NUMB: variants seen among roughly 807,000 people sequenced by gnomAD.
NUMB encodes NUMB endocytic adaptor protein, also known as protein numb homolog.
A neutral mutation model predicts 59.7 loss-of-function variants in NUMB; 29 were observed. The observed-to-expected ratio is 0.49, with a 90% confidence interval of 0.36 to 0.66. The LOEUF (loss-of-function observed/expected upper bound fraction) is 0.66, where lower values mean the gene tolerates loss of function less well. Among genes scored for constraint, NUMB ranks in the 30% least tolerant of loss-of-function variants. The probability of loss-of-function intolerance (pLI) is 0.00; values close to 1 mark genes in which losing one functional copy is unlikely to be tolerated. For missense variants in NUMB, 723 were observed against 822.0 expected, an observed-to-expected ratio of 0.88 and a Z score of 1.47; for synonymous variants, 288 against 288.2, an observed-to-expected ratio of 1.00 and a Z score of 0.01.
chr14:73,418,649 T>G (rs1897228536), intron 1 of NUMB, among the ~76,000 whole-genome samples: 1 of 151,898 alleles, frequency 6.6e-6, no homozygotes, highest in Admixed American at 6.6e-5. Flanking sequence ...CACATGCCTG[T>G]AATCCCAGCT....
At chr14:73,280,970 G>A (rs1888594623) in intron 11 of NUMB, among the ~76,000 whole-genome samples, 2 of 152,066 alleles carry the variant, frequency 1.3e-5, no homozygotes, top group Admixed American at 1.3e-4. Context: ...GATTACAGAT[G>A]TGAGCCACCG....
Position 73,353,072 on chromosome 14 carries a change from G to GTTGTTTTTTTT in NUMB, c.126+2553_126+2554insAAAAAAAACAA, listed in dbSNP as rs1893522798. Among the ~76,000 whole-genome samples the GTTGTTTTTTTT allele has an allele frequency of 1.5e-4, 9 of 58,514 alleles. 1 individual carries two copies. Among genetic ancestry groups the GTTGTTTTTTTT allele is most frequent in the Non-Finnish European group, 6.6e-5 (2 of 30,364 alleles). The allele number at this position is 58,514 out of a possible 152,430, so 38.4% of individuals were successfully genotyped here. A position where few individuals can be genotyped will look rare whatever the true frequency, so the allele number is the denominator to read the frequency against. ...CTTAATGGATGCCACAGTTTTTCTTGTTTTTTTTTTTTTTTTTTTTTTTTT... is the reference window on the plus strand; with the variant it reads ...CTTAATGGATGCCACAGTTTTTCTTGTTGTTTTTTTTTTTTTTTTTTTTTTTTTTTTTTTTT... On this transcript the variant is annotated intron_variant, in intron 4 of 12. Coordinates refer to ENST00000555238, the MANE Select transcript of NUMB (RefSeq NM_001005743.2).
At chr14:73,411,038 T>C (rs1896871965) in intron 1 of NUMB, among the ~76,000 whole-genome samples, 3 of 152,168 alleles carry the variant, frequency 2.0e-5, no homozygotes, top group Non-Finnish European at 4.4e-5. Context: ...ATGGATTTTG[T>C]TTTGTATTTT....
intron 6 of NUMB, among the ~76,000 whole-genome samples, chr14:73,313,000 T>TA (rs951904840): frequency 6.6e-6 from 1 of 151,876 alleles, no homozygotes. Context: ...CTTTTTTTTT[T>TA]TTTTGAGACA....
rs1357277403 is a variant in NUMB, at chr14:73,335,074, AT to A, written c.127-11871del. On this transcript the variant is annotated intron_variant, in intron 4 of 12. Transcript: ENST00000555238. ...GTATTATATACCTGTGCTTTCTTTC[AT>A]TTTCCATATTAAGGCTCATTTCTAC... Among the ~76,000 whole-genome samples the A allele has an allele frequency of 7.3e-5, 11 of 151,438 alleles. No homozygotes were observed. In the East Asian group the frequency reaches 1.9e-3, roughly 27 times the overall value.
intron 1 of NUMB, among the ~76,000 whole-genome samples, chr14:73,423,393 C>T (rs149625270): frequency 0.013 from 2,013 of 151,224 alleles, 16 homozygotes; most frequent in Middle Eastern, 0.028. Context: ...AATTCCAGCA[C>T]TTTGGGAGAC....
chr14:73,397,657 T>A (rs1896200546), intron 2 of NUMB, among the ~76,000 whole-genome samples: 1 of 152,380 alleles, frequency 6.6e-6, no homozygotes, highest in East Asian at 1.9e-4. Flanking sequence ...CTGTATTTTC[T>A]TAATTGTTTT....
intron 2 of NUMB, among the ~76,000 whole-genome samples, chr14:73,386,867 ATTTTTTTTTTTTTTTTTTT>A (rs71112745): frequency 1.3e-5 from 1 of 79,852 alleles, no homozygotes; most frequent in Admixed American, 1.8e-4. Context: ...CAGGTGTCTT[ATTTTTTTTTTTTTTTTTTT>A]TTTTTTTTTT....
At chr14:73,377,396 G>A (rs1003735115) in intron 2 of NUMB, among the ~76,000 whole-genome samples, 3 of 152,118 alleles carry the variant, frequency 2.0e-5, no homozygotes, top group African/African-American at 7.2e-5. Flanking sequence ...CAGCACTTTC[G>A]GAGGCCAAGG....
chr14:73,428,260 TG>T (rs1219061094), intron 1 of NUMB, among the ~76,000 whole-genome samples: 11 of 152,332 alleles, frequency 7.2e-5, no homozygotes, highest in African/African-American at 2.6e-4. Context: ...TACCTAGCTG[TG>T]GGACTTTAGC....
chr14:73,311,297 A>G (rs1203759575), intron 6 of NUMB, among the ~76,000 whole-genome samples: 3 of 152,032 alleles, frequency 2.0e-5, no homozygotes, highest in African/African-American at 7.2e-5. Context: ...CTCGTGATCC[A>G]CCTGCCTCAG....
chr14:73,444,118 G>C (rs981438813), intron 1 of NUMB, among the ~76,000 whole-genome samples: 3 of 152,116 alleles, frequency 2.0e-5, no homozygotes, highest in Non-Finnish European at 4.4e-5. Context: ...TCAAAATATT[G>C]GCTGGGCACA....
chr14:73,302,039 C>A (rs12880495), intron 6 of NUMB, among the ~76,000 whole-genome samples: 34 of 151,876 alleles, frequency 2.2e-4, no homozygotes, highest in African/African-American at 8.0e-4. Context: ...GCTGAGATCA[C>A]GCCACTGCAC....
intron 1 of NUMB, among the ~76,000 whole-genome samples, chr14:73,442,863 A>C (rs967239103): frequency 6.6e-6 from 1 of 151,990 alleles, no homozygotes; most frequent in Non-Finnish European, 1.5e-5. Flanking sequence ...TACACCATTT[A>C]CTTTTTTTTC....
intron 1 of NUMB, among the ~76,000 whole-genome samples, chr14:73,417,550 TC>T (rs1897181528): frequency 1.4e-5 from 2 of 143,432 alleles, no homozygotes; most frequent in African/African-American, 5.2e-5. Flanking sequence ...AGACCCTCTC[TC>T]AAAAAAAAAA....
At chr14:73,284,818 A>G (rs1888872195) in intron 9 of NUMB, 1 of 151,592 alleles carries the variant, frequency 6.6e-6, no homozygotes, top group Non-Finnish European at 1.5e-5. Context: ...AAAGAATGTC[A>G]TATATAACAG....
At position 73,284,105 on chromosome 14, in the gene NUMB, T is replaced by A; in HGVS notation, c.925A>T (p.Thr309Ser). 6.2e-7 allele frequency: 1 copy of A among 1,614,172 alleles called. No homozygotes were observed. The highest frequency in any genetic ancestry group is 8.5e-7 in the Non-Finnish European group (1 of 1,180,000). ...CCTGCATTTTTAATGGGGAAATCAGTCTTCCTCTGCATAGTGGAAGGCAAC... is the reference window on the plus strand; with the variant it reads ...CCTGCATTTTTAATGGGGAAATCAGACTTCCTCTGCATAGTGGAAGGCAAC... ...NELPSTMQRK[T>S]DFPIKNAVPE... Residue 309 changes from threonine to serine, a missense_variant, in exon 10 of 13, where the codon ACT (threonine) becomes TCT (serine). By Grantham distance (58) the Thr-to-Ser change is moderately conservative. Transcript: ENST00000555238.
intron 5 of NUMB, among the ~76,000 whole-genome samples, chr14:73,322,392 A>C (rs769365543): frequency 3.9e-5 from 6 of 152,244 alleles, no homozygotes; most frequent in Non-Finnish European, 7.3e-5. Flanking sequence ...AGGAAACGTT[A>C]TCCTGGGAAA....
At chr14:73,300,158 A>T (rs1056677559) in intron 6 of NUMB, among the ~76,000 whole-genome samples, 4 of 152,182 alleles carry the variant, frequency 2.6e-5, no homozygotes, top group Non-Finnish European at 4.4e-5. Flanking sequence ...TGAATGGGAA[A>T]AGCCAGTGGA....
Sources: allele counts gnomAD v4.1 joint callset (sites outside exome capture counted in the v4.1 genomes callset), GRCh38; gene constraint gnomAD v4.1.1; transcripts MANE v1.5; gene names NCBI Gene and HGNC (gene_info 2026-07-23, HGNC 2026-07-21).